The following SNX9 variants were observed in gnomAD, a reference collection of about 807,000 sequenced individuals.
The protein encoded by SNX9 is sorting nexin 9, also known as sorting nexin-9.
A neutral mutation model predicts 89.4 loss-of-function variants in SNX9; 44 were observed. The ratio of observed to expected loss-of-function variants is 0.49; its 90% confidence interval spans 0.39 to 0.63. The LOEUF (loss-of-function observed/expected upper bound fraction) is 0.63, where lower values mean the gene tolerates loss of function less well. Among genes scored for constraint, SNX9 ranks in the 30% least tolerant of loss-of-function variants. The pLI is 0.00. For missense variants in SNX9, 578 were observed against 736.1 expected (o/e 0.79, Z 2.49); for synonymous variants, 236 against 247.8 (o/e 0.95, Z 0.45).
chr6:157,909,837 T>C, intron 8 of SNX9, 47 bp downstream of exon 8: 1 of 1,612,054 alleles, frequency 6.2e-7, no homozygotes, highest in Non-Finnish European at 8.5e-7. Flanking sequence ...GGATCACTGA[T>C]TGCAGCTTGC....
intron 1 of SNX9, among the ~76,000 whole-genome samples, chr6:157,842,616 G>A (rs1174967362): frequency 6.6e-6 from 1 of 152,150 alleles, no homozygotes; most frequent in Non-Finnish European, 1.5e-5. Context: ...TGGGAAGTGG[G>A]GAGTGCTGAT....
At chr6:157,887,840 C>T (rs1040129078) in intron 4 of SNX9, among the ~76,000 whole-genome samples, 14 of 152,150 alleles carry the variant, frequency 9.2e-5, no homozygotes, top group African/African-American at 3.1e-4. Context: ...AGGATGCTGT[C>T]GTCCACTATA....
chr6:157,862,702 A>C (rs1782165968), intron 1 of SNX9, among the ~76,000 whole-genome samples: 3 of 151,466 alleles, frequency 2.0e-5, no homozygotes. Flanking sequence ...TTTCCTTCCT[A>C]TTTTGAACTG....
chr6:157,850,485 CAG>C (rs2115120498), intron 1 of SNX9, among the ~76,000 whole-genome samples: 1 of 152,230 alleles, frequency 6.6e-6, no homozygotes, highest in South Asian at 2.1e-4. Context: ...AAGTTGTAAT[CAG>C]TGCGTGGATG....
At chr6:157,870,050 G>C (rs548032974) in intron 2 of SNX9, among the ~76,000 whole-genome samples, 1 of 150,734 alleles carries the variant, frequency 6.6e-6, no homozygotes, top group African/African-American at 2.4e-5. Flanking sequence ...GCACTCACAC[G>C]TGTGAGCACG....
intron 15 of SNX9, among the ~76,000 whole-genome samples, chr6:157,938,070 T>A (rs1420792639): frequency 6.6e-6 from 1 of 152,208 alleles, no homozygotes; most frequent in East Asian, 1.9e-4. Context: ...CAGACAGCGG[T>A]AAATAACGAG....
At position 157,906,229 on chromosome 6, in the gene SNX9, T is replaced by G. The variant is rs1348701419; in HGVS notation, c.705+17T>G. On this transcript the variant is annotated intron_variant, in intron 7 of 17. Coordinates refer to ENST00000392185, the MANE Select transcript of SNX9 (RefSeq NM_016224.5). ...CCCATCATTGTAAGTTTGTTTATTT[T>G]TGTTTGCTTTCTTTCTGATTAAGCT... 1 of 1,594,376 alleles carries G rather than the reference T, an allele frequency of 6.3e-7. No individual in the cohort carries two copies.
At chr6:157,919,055 CTTAT>C (rs1783530617) in intron 9 of SNX9, among the ~76,000 whole-genome samples, 1 of 152,076 alleles carries the variant, frequency 6.6e-6, no homozygotes, top group Admixed American at 6.5e-5. Context: ...TCCGGTGCTG[CTTAT>C]TTGTCTCTGC....
chr6:157,937,570 G>A (rs1185116847), intron 15 of SNX9, 47 bp downstream of exon 15: 5 of 1,289,780 alleles, frequency 3.9e-6, no homozygotes, highest in South Asian at 3.6e-5. Context: ...AGGTGAAGGA[G>A]GCAGATGTGC....
At chr6:157,848,195 C>T (rs1257510018) in intron 1 of SNX9, among the ~76,000 whole-genome samples, 2 of 152,328 alleles carry the variant, frequency 1.3e-5, no homozygotes, top group Middle Eastern at 3.4e-3. Flanking sequence ...CCTAGAACAG[C>T]ATTCATGGTA....
At position 157,937,547 on chromosome 6, in the gene SNX9, A is replaced by G. The variant is rs773878149; in HGVS notation, c.1533+24A>G. The G allele has an allele frequency of 1.3e-5, 20 of 1,539,048 alleles. No homozygotes were observed. In the African/African-American group the frequency reaches 2.3e-4, roughly 18 times the overall value. ...AGGTAACCTGATCGTAGACATTTATAGAAGACAACAGCAGGTGAAGGAGGC... is the reference window on the plus strand; with the variant it reads ...AGGTAACCTGATCGTAGACATTTATGGAAGACAACAGCAGGTGAAGGAGGC... On this transcript the variant is annotated intron_variant, in intron 15 of 17. Transcript: ENST00000392185.
rs930094879 is a variant in SNX9, at chr6:157,938,244, AAGAG to A, written c.1534-382_1534-379del. Among the ~76,000 whole-genome samples the A allele has an allele frequency of 8.5e-5, 13 of 152,234 alleles. 1 individual carries two copies. The highest frequency in any genetic ancestry group is 7.9e-4 in the Admixed American group (12 of 15,284). On this transcript the variant is annotated intron_variant, in intron 15 of 17. Coordinates refer to ENST00000392185, the MANE Select transcript of SNX9 (RefSeq NM_016224.5). ...TATAAAATATTCTGTTGTATAAAAA[AAGAG>A]AGAGAGTGCCTGTGTGCACATGCTG...
chr6:157,855,359 A>C (rs1037746701), intron 1 of SNX9, among the ~76,000 whole-genome samples: 10 of 152,292 alleles, frequency 6.6e-5, no homozygotes, highest in African/African-American at 1.9e-4. Flanking sequence ...ATGAATAACC[A>C]TGTATATATG....
intron 7 of SNX9, among the ~76,000 whole-genome samples, chr6:157,909,462 G>A (rs1325506747): frequency 6.6e-6 from 1 of 152,184 alleles, no homozygotes; most frequent in East Asian, 1.9e-4. Context: ...GGGAGCAGAA[G>A]GGTTTCCCAC....
chr6:157,867,570 T>A lies in SNX9; in HGVS notation c.36T>A (p.Ala12=). 1 of 1,613,020 alleles carries A rather than the reference T, an allele frequency of 6.2e-7. No individual in the cohort carries two copies. Among genetic ancestry groups the A allele is most frequent in the Non-Finnish European group, 8.5e-7 (1 of 1,179,210 alleles). Residue 12 remains alanine, a synonymous_variant, in exon 2 of 18, where the codon GCT becomes GCA. Transcript: ENST00000392185. The part of the protein sequence containing the change: ...ATKARVMYDF[A]AEPGNNELTV... ...AGGCTCGGGTTATGTATGATTTTGCTGCTGAACCTGGAAATAATGAACTGA... is the reference window on the plus strand; with the variant it reads ...AGGCTCGGGTTATGTATGATTTTGCAGCTGAACCTGGAAATAATGAACTGA...
chr6:157,825,258 AGAC>A (rs775804566), intron 1 of SNX9, among the ~76,000 whole-genome samples: 62 of 152,178 alleles, frequency 4.1e-4, no homozygotes, highest in Non-Finnish European at 7.5e-4. Context: ...AAAAAAGAAA[AGAC>A]GAGACTCCGT....
intron 9 of SNX9, among the ~76,000 whole-genome samples, chr6:157,915,652 TATATACAC>T (rs1783450477): frequency 1.7e-5 from 2 of 118,050 alleles, no homozygotes; most frequent in African/African-American, 7.0e-5. Context: ...TATATATATA[TATATACAC>T]ACACACACAC....
intron 1 of SNX9, among the ~76,000 whole-genome samples, chr6:157,834,147 GTGGTTTTTTTT>G (rs1781527410): frequency 2.8e-5 from 2 of 71,226 alleles, no homozygotes; most frequent in African/African-American, 1.9e-4. Flanking sequence ...GGTGTCCACT[GTGGTTTTTTTT>G]TTTTTTTTTT....
At chr6:157,886,727 T>A (rs1782744631) in intron 4 of SNX9, among the ~76,000 whole-genome samples, 1 of 152,224 alleles carries the variant, frequency 6.6e-6, no homozygotes, top group Non-Finnish European at 1.5e-5. Flanking sequence ...ATTCCACCTC[T>A]CCTTAATTGC....
Sources: allele counts gnomAD v4.1 joint callset (sites outside exome capture counted in the v4.1 genomes callset), GRCh38; gene constraint gnomAD v4.1.1; transcripts MANE v1.5; gene names NCBI Gene and HGNC (gene_info 2026-07-23, HGNC 2026-07-21).